The following PIK3C2B variants were observed in gnomAD, a reference collection of about 807,000 sequenced individuals.
PIK3C2B encodes the protein phosphatidylinositol-4-phosphate 3-kinase catalytic subunit type 2 beta.
A neutral mutation model predicts 184.3 loss-of-function variants in PIK3C2B; 83 were observed. The ratio of observed to expected loss-of-function variants is 0.45; its 90% CI spans 0.38 to 0.54. PIK3C2B has a LOEUF of 0.54. Ranked by LOEUF, PIK3C2B falls within the 20% of genes least tolerant of loss-of-function variation. The pLI, the probability that PIK3C2B is intolerant of heterozygous loss-of-function variation, is 0.00. For synonymous variants in PIK3C2B, 779 were observed against 837.6 expected (o/e 0.93, Z 1.21); for missense variants, 1,736 against 2,113.5 (o/e 0.82, Z 3.50).
At position 204,427,748 on chromosome 1, in the gene PIK3C2B, G is replaced by A. The variant is rs768061200; in HGVS notation, c.4487C>T (p.Thr1496Ile). 1 of 1,612,232 alleles carries A rather than the reference G, an allele frequency of 6.2e-7. No individual in the cohort carries two copies. The highest frequency in any genetic ancestry group is 1.1e-5 in the South Asian group (1 of 91,054). Reference sequence around the variant, plus strand: ...CACCTTTCCGACGGGCCGGGCCCATGTGCCATCTGTAGGGACAAATGAAAC... The same window carrying A: ...CACCTTTCCGACGGGCCGGGCCCATATGCCATCTGTAGGGACAAATGAAAC... ...TSPAPKSSDG[T>I]WARPVGKVGG... The change falls in exon 31 of 33, where the codon ACA becomes ATA. Residue 1496 changes from threonine (T) to isoleucine (I), a missense_variant. This residue lies in a region of PIK3C2B where 200 missense variants were observed against 199.1 expected (regional missense o/e 1.00). Coordinates refer to ENST00000684373, the MANE Select transcript of PIK3C2B (RefSeq NM_001377334.1).
chr1:204,461,057 T>C (rs1655299614), intron 5 of PIK3C2B, among the ~76,000 whole-genome samples: 1 of 152,220 alleles, frequency 6.6e-6, no homozygotes, highest in African/African-American at 2.4e-5. Flanking sequence ...AAGAGACATG[T>C]TGGAGTCCAC....
intron 16 of PIK3C2B, among the ~76,000 whole-genome samples, chr1:204,444,829 C>A (rs1393453162): frequency 6.6e-6 from 1 of 152,184 alleles, no homozygotes; most frequent in Non-Finnish European, 1.5e-5. Flanking sequence ...AAATGTACCA[C>A]GCAAATAACA....
Position 204,449,252 on chromosome 1 carries a change from G to A in PIK3C2B, c.2279C>T (p.Thr760Ile). The A allele has an allele frequency of 6.2e-7, 1 of 1,613,090 alleles. No individual in the cohort carries two copies. The highest frequency in any genetic ancestry group is 8.5e-7 in the Non-Finnish European group (1 of 1,179,710). Reference protein sequence around the residue: ...GRKLLGLWPATQENPSARWSA... With the variant: ...GRKLLGLWPAIQENPSARWSA... ...CCAACGGGCGCTGGGATTTTCCTGT[G>A]TTGCTGGCCACAAACCCAGAAGCTT... Residue 760 changes from threonine to isoleucine, a missense_variant, in exon 14 of 33, where the codon ACA (threonine) becomes ATA (isoleucine). By Grantham distance (89) the Thr-to-Ile change is moderately conservative. Around this residue, in one of 8 missense-constraint regions of PIK3C2B, gnomAD observed 609 missense variants for 699.2 expected, o/e 0.87. Coordinates refer to ENST00000684373, the MANE Select transcript of PIK3C2B (RefSeq NM_001377334.1).
intron 27 of PIK3C2B, 52 bp from the exon 28 acceptor site, chr1:204,431,845 G>A: frequency 1.2e-6 from 2 of 1,610,148 alleles, no homozygotes; most frequent in East Asian, 4.5e-5. Context: ...TGCACCCAGT[G>A]AAGGGTGTAG....
At chr1:204,459,570 C>A (rs1032695071) in intron 8 of PIK3C2B, among the ~76,000 whole-genome samples, 1 of 152,188 alleles carries the variant, frequency 6.6e-6, no homozygotes, top group African/African-American at 2.4e-5. Flanking sequence ...TCAAGTGCAG[C>A]AGCTGGGGGG....
rs186973174 is a variant in PIK3C2B, at chr1:204,470,745, C to T, written c.-84-859G>A. ...TGTAATATCCCAAAATGTCCATCAA[C>T]AGTGAATGGATTTTTAAAAATGTGA... is the stretch of plus-strand genomic sequence containing the variant. On this transcript the variant is annotated intron_variant, in intron 1 of 32. Coordinates refer to ENST00000684373, the MANE Select transcript of PIK3C2B (RefSeq NM_001377334.1). Among the ~76,000 whole-genome samples the T allele has an allele frequency of 3.8e-4, 58 of 152,314 alleles. 1 individual carries two copies. The South Asian group carries it at 7.7e-3, about 20-fold the overall frequency.
At chr1:204,425,966 C>T (rs183857793) in intron 31 of PIK3C2B, among the ~76,000 whole-genome samples, 11 of 152,328 alleles carry the variant, frequency 7.2e-5, no homozygotes, top group Middle Eastern at 3.4e-3. Flanking sequence ...CCTATGATAT[C>T]AAGTCTATAC....
intron 6 of PIK3C2B, 60 bp downstream of exon 6, chr1:204,460,490 T>C (rs1655237265): frequency 1.4e-5 from 22 of 1,548,308 alleles, no homozygotes; most frequent in Non-Finnish European, 2.0e-5. Flanking sequence ...ATGTGTTCTA[T>C]ATTGTATTCC....
At chr1:204,490,375 G>A (rs1284676035) in intron 1 of PIK3C2B, 2 of 155,230 alleles carry the variant, frequency 1.3e-5, no homozygotes, top group African/African-American at 4.8e-5. Flanking sequence ...TGATGATTTG[G>A]GGTGAGTGAA....
chr1:204,433,267 G>T lies in PIK3C2B; in HGVS notation c.3953+49C>A, dbSNP rs557992306. 7 of 1,006,864 alleles carry T rather than the reference G, an allele frequency of 7.0e-6. No homozygotes were observed. The highest frequency in any genetic ancestry group is 1.1e-5 in the Non-Finnish European group (7 of 638,278). 62.4% of individuals were successfully genotyped at this position (1,006,864 alleles called of 1,614,324 possible). Reference sequence around the variant, plus strand: ...CTCCTCCTGCCAATCCGGCAGGCTGGGAATTACTCAGGGTGGGCAGTGCTG... The same window carrying T: ...CTCCTCCTGCCAATCCGGCAGGCTGTGAATTACTCAGGGTGGGCAGTGCTG... On this transcript the variant is annotated intron_variant, in intron 26 of 32. Transcript: ENST00000684373. This position sits in a 1 kb window ranked among gnomAD's most constrained non-coding sequence, Gnocchi z 5.0.
chr1:204,474,357 C>T (rs998601080), intron 1 of PIK3C2B, among the ~76,000 whole-genome samples: 36 of 152,280 alleles, frequency 2.4e-4, no homozygotes, highest in African/African-American at 7.7e-4. Flanking sequence ...GAATGGACTA[C>T]ACCTGATGTT....
At chr1:204,479,070 A>G (rs1656930365) in intron 1 of PIK3C2B, among the ~76,000 whole-genome samples, 1 of 152,152 alleles carries the variant, frequency 6.6e-6, no homozygotes, top group Admixed American at 6.5e-5. Context: ...TCCTCTAAAA[A>G]CTTTCCTTCC....
At position 204,464,519 on chromosome 1, in the gene PIK3C2B, C is replaced by T; in HGVS notation, c.1120G>A (p.Asp374Asn). The T allele has an allele frequency of 1.9e-6, 3 of 1,614,056 alleles. No homozygotes were observed. Among genetic ancestry groups the T allele is most frequent in the Non-Finnish European group, 2.5e-6 (3 of 1,179,884 alleles). Residue 374 changes from aspartate to asparagine, a missense_variant, in exon 4 of 33, where the codon GAT becomes AAT. This residue lies in a region of PIK3C2B where 609 missense variants were observed against 699.2 expected (regional missense o/e 0.87). Transcript: ENST00000684373. ...AVTPSPEHLG[D>N]EVNLKVTVLC... ...ACAGTCACCTTCAGGTTGACCTCAT[C>T]CCCGAGGTGCTCTGGGCTAGGGGTG... is the stretch of plus-strand genomic sequence containing the variant.
chr1:204,441,581 T>C lies in PIK3C2B; in HGVS notation c.3157-18A>G, dbSNP rs373279573. On this transcript the variant is annotated intron_variant, in intron 20 of 32. Coordinates refer to ENST00000684373, the MANE Select transcript of PIK3C2B (RefSeq NM_001377334.1). ...GAACAGTCCTGCCATGGTGAAAAGA[T>C]AGTGACGAGGGTCAGAGTGGCCCAT... The C allele has an allele frequency of 8.8e-6, 14 of 1,583,252 alleles. No individual in the cohort carries two copies. Among genetic ancestry groups the C allele is most frequent in the South Asian group, 6.7e-5 (6 of 89,996 alleles).
chr1:204,434,691 A>C, intron 23 of PIK3C2B, 83 bp from the exon 24 acceptor site: 1 of 1,135,362 alleles, frequency 8.8e-7, no homozygotes, highest in Non-Finnish European at 1.3e-6. Flanking sequence ...GACAGAACTC[A>C]GCCAGCCCTG....
At chr1:204,454,840 C>A (rs1654690999) in intron 11 of PIK3C2B, 49 bp from the exon 12 acceptor site, 2 of 1,580,548 alleles carry the variant, frequency 1.3e-6, no homozygotes, top group Non-Finnish European at 1.7e-6. Context: ...CAAAACCAAT[C>A]ACCCAAACCT....
intron 5 of PIK3C2B, among the ~76,000 whole-genome samples, chr1:204,462,599 C>A (rs1655426105): frequency 6.6e-6 from 1 of 152,236 alleles, no homozygotes; most frequent in Admixed American, 6.5e-5. Context: ...CCTCCTGTTC[C>A]TCTAGGGGAA....
chr1:204,443,947 G>A, intron 18 of PIK3C2B, 121 bp downstream of exon 18: 1 of 735,662 alleles, frequency 1.4e-6, no homozygotes, highest in Non-Finnish European at 2.5e-6. Flanking sequence ...AAGGCCACAG[G>A]GTAAGTCAGC....
intron 5 of PIK3C2B, among the ~76,000 whole-genome samples, chr1:204,462,938 T>C (rs557594385): frequency 6.6e-6 from 1 of 152,052 alleles, no homozygotes; most frequent in Non-Finnish European, 1.5e-5. Context: ...ATGCCTGTAA[T>C]CCCAGCTACT....
Sources: gnomAD v4.1 joint callset for allele counts (sites outside exome capture counted in the v4.1 genomes callset) on GRCh38, gnomAD v4.1.1 for gene constraint, gnomAD v4.1.1 regional missense constraint, Gnocchi (gnomAD v3.1) non-coding constraint, MANE v1.5 for transcripts, NCBI Gene and HGNC (gene_info 2026-07-23, HGNC 2026-07-21) for gene names.